PAPPA2: variants seen among roughly 807,000 people sequenced by gnomAD.
The protein encoded by PAPPA2 is pappalysin 2.
PAPPA2 carries 86 observed loss-of-function variants against 176.4 expected under a neutral mutation model. The ratio of observed to expected loss-of-function variants is 0.49; its 90% CI spans 0.41 to 0.58. PAPPA2 has a LOEUF of 0.58. Among genes scored for constraint, PAPPA2 ranks in the 20% least tolerant of loss-of-function variants. PAPPA2 has a pLI of 0.00. For missense variants in PAPPA2, 2,073 were observed against 2,256.9 expected, an observed-to-expected ratio of 0.92 and a Z score of 1.65; for synonymous variants, 809 against 852.2, an observed-to-expected ratio of 0.95 and a Z score of 0.88.
rs553803224 is a variant in PAPPA2 at position 176,556,029 on chromosome 1, G to C, written c.-294G>C. On this transcript the variant is annotated 5_prime_UTR_variant, in exon 2 of 23. Transcript: ENST00000367662. Reference sequence around the variant, plus strand: ...GGGAGGAAATTCAAAGGAACCAAGAGAAATTAACTTCGTTCTGCAAGGACT... The same window carrying C: ...GGGAGGAAATTCAAAGGAACCAAGACAAATTAACTTCGTTCTGCAAGGACT... 1 of 329,744 alleles carries C rather than the reference G, an allele frequency of 3.0e-6. No individual in the cohort carries two copies. The highest frequency in any genetic ancestry group is 8.4e-5 in the South Asian group (1 of 11,880). The allele number at this position is 329,744 out of a possible 1,614,324, so 20.4% of individuals were successfully genotyped here.
intron 3 of PAPPA2, among the ~76,000 whole-genome samples, chr1:176,596,604 C>T (rs1440917228): frequency 6.6e-6 from 1 of 152,192 alleles, no homozygotes; most frequent in Admixed American, 6.5e-5. Context: ...TTGTCTTTCA[C>T]GTTCATGTGT....
At chr1:176,659,725 A>G (rs1658250606) in intron 3 of PAPPA2, among the ~76,000 whole-genome samples, 1 of 152,124 alleles carries the variant, frequency 6.6e-6, no homozygotes, top group African/African-American at 2.4e-5. Flanking sequence ...GTAACAATTT[A>G]TAATTTGAAG....
intron 2 of PAPPA2, among the ~76,000 whole-genome samples, chr1:176,586,630 T>C (rs780510692): frequency 2.6e-5 from 4 of 152,236 alleles, no homozygotes; most frequent in Non-Finnish European, 4.4e-5. Flanking sequence ...TCTCTTTCCT[T>C]TTTATGGCTG....
intron 14 of PAPPA2, among the ~76,000 whole-genome samples, chr1:176,764,596 C>CTTTTTT (rs1214683318): frequency 7.3e-6 from 1 of 136,134 alleles, no homozygotes; most frequent in African/African-American, 2.7e-5. Context: ...CCAGTGTATT[C>CTTTTTT]TTTTTTTTTT....
intron 14 of PAPPA2, among the ~76,000 whole-genome samples, chr1:176,748,990 G>A (rs984669338): frequency 1.4e-5 from 2 of 145,252 alleles, no homozygotes; most frequent in Non-Finnish European, 3.0e-5. Flanking sequence ...AAAAAGTTAT[G>A]GTTACTGTTT....
chr1:176,607,954 T>G (rs1014887696), intron 3 of PAPPA2, among the ~76,000 whole-genome samples: 1 of 152,330 alleles, frequency 6.6e-6, no homozygotes, highest in Middle Eastern at 3.4e-3. Context: ...AAGTGATGGA[T>G]ACATGAACTT....
At chr1:176,774,757 C>T (rs537238649) in intron 17 of PAPPA2, among the ~76,000 whole-genome samples, 2 of 143,676 alleles carry the variant, frequency 1.4e-5, no homozygotes, top group African/African-American at 2.8e-5. Context: ...CTACCTGCCA[C>T]TCTATTTAAG....
chr1:176,677,639 GGATACCATACTCATTGTCATT>G (rs933020765), intron 4 of PAPPA2, among the ~76,000 whole-genome samples: 8 of 152,058 alleles, frequency 5.3e-5, no homozygotes, highest in African/African-American at 1.2e-4. Context: ...TTTATACCTT[GGATACCATACTCATTGTCATT>G]GATACCATAC....
At chr1:176,806,977 A>C (rs1665934603) in intron 21 of PAPPA2, among the ~76,000 whole-genome samples, 1 of 152,020 alleles carries the variant, frequency 6.6e-6, no homozygotes, top group South Asian at 2.1e-4. Flanking sequence ...TCCTTCCTTG[A>C]CTTTCATTTC....
intron 4 of PAPPA2, among the ~76,000 whole-genome samples, chr1:176,682,541 G>A (rs1355280649): frequency 6.6e-6 from 1 of 152,108 alleles, no homozygotes; most frequent in African/African-American, 2.4e-5. Flanking sequence ...TGGGGTACAT[G>A]TAATGTCTTG....
At chr1:176,502,927 A>G (rs1648048892) in intron 1 of PAPPA2, among the ~76,000 whole-genome samples, 1 of 152,182 alleles carries the variant, frequency 6.6e-6, no homozygotes. Flanking sequence ...GCACCCAGTA[A>G]TCTGTATAGT....
intron 2 of PAPPA2, among the ~76,000 whole-genome samples, chr1:176,558,827 C>T (rs976968097): frequency 6.6e-6 from 1 of 152,130 alleles, no homozygotes; most frequent in Non-Finnish European, 1.5e-5. Context: ...CTTACCCCTC[C>T]TCTTGCAGTA....
intron 2 of PAPPA2, among the ~76,000 whole-genome samples, chr1:176,589,029 T>C (rs1653496057): frequency 6.6e-6 from 1 of 152,220 alleles, no homozygotes; most frequent in African/African-American, 2.4e-5. Context: ...CAAGTCTCTT[T>C]ATCTCTTTTT....
chr1:176,681,326 A>G (rs1659575674), intron 4 of PAPPA2, among the ~76,000 whole-genome samples: 1 of 152,198 alleles, frequency 6.6e-6, no homozygotes, highest in African/African-American at 2.4e-5. Flanking sequence ...GAAAGCACCA[A>G]GTCTCTCACT....
intron 3 of PAPPA2, among the ~76,000 whole-genome samples, chr1:176,659,509 C>T (rs1359528007): frequency 2.0e-5 from 3 of 152,054 alleles, no homozygotes; most frequent in Non-Finnish European, 4.4e-5. Flanking sequence ...TGCAAAGACC[C>T]TATTTCCAAA....
At position 176,696,807 on chromosome 1, in the gene PAPPA2, G is replaced by A. The variant is rs935492905; in HGVS notation, c.2746+948G>A. Among the ~76,000 whole-genome samples the A allele has an allele frequency of 8.2e-4, 124 of 151,818 alleles. 1 individual carries two copies. The highest frequency in any genetic ancestry group is 6.5e-4 in the Non-Finnish European group (44 of 67,920). ...TAATCTGCAGTCTTGATTGTGACAC[G>A]AAAAAAAAGGAGAATATTGGTCTGA... On this transcript the variant is annotated intron_variant, in intron 7 of 22. Coordinates refer to ENST00000367662, the MANE Select transcript of PAPPA2 (RefSeq NM_020318.3).
rs927054087 is a variant in PAPPA2, at chr1:176,555,497, G to A, written c.-826G>A. On this transcript the variant is annotated 5_prime_UTR_variant, in exon 2 of 23. Transcript: ENST00000367662. ...AAACTGGCACCCCAAAGAACTTTAC[G>A]GAGACTTGCAACCTATCAACAAGTT... The A allele has an allele frequency of 2.6e-5, 4 of 152,136 alleles. No homozygotes were observed. The highest frequency in any genetic ancestry group is 7.2e-5 in the African/African-American group (3 of 41,398). 9.4% of individuals were successfully genotyped at this position (152,136 alleles called of 1,614,324 possible).
intron 1 of PAPPA2, among the ~76,000 whole-genome samples, chr1:176,487,126 G>A (rs570512224): frequency 8.5e-4 from 129 of 152,204 alleles, no homozygotes; most frequent in African/African-American, 3.0e-3. Flanking sequence ...ATTTAAAAAC[G>A]TATCTTATAA....
chr1:176,664,447 A>T (rs1658517657), intron 3 of PAPPA2, among the ~76,000 whole-genome samples: 1 of 152,156 alleles, frequency 6.6e-6, no homozygotes, highest in African/African-American at 2.4e-5. Flanking sequence ...CTGATGACAC[A>T]TAGGAAAAGT....
Sources: allele counts gnomAD v4.1 joint callset (sites outside exome capture counted in the v4.1 genomes callset), GRCh38; gene constraint gnomAD v4.1.1; transcripts MANE v1.5; gene names NCBI Gene and HGNC (gene_info 2026-07-23, HGNC 2026-07-21).